The following APBA2 variants were observed in gnomAD, a reference collection of about 807,000 sequenced individuals.
APBA2 encodes the protein amyloid-beta A4 precursor protein-binding family A member 2.
APBA2 carries 30 observed loss-of-function variants against 75.0 expected under a neutral mutation model. The ratio of observed to expected loss-of-function variants is 0.40; its 90% CI spans 0.30 to 0.54. The LOEUF is 0.54. APBA2 is among the 20% of genes least tolerant of loss of function. APBA2 has a pLI of 0.49. For missense variants in APBA2, 801 were observed against 1,016.1 expected (o/e 0.79, Z 2.88); for synonymous variants, 444 against 409.6 (o/e 1.08, Z -1.01).
At chr15:28,994,448 G>A (rs527544840) in intron 2 of APBA2, among the ~76,000 whole-genome samples, 16 of 152,276 alleles carry the variant, frequency 1.1e-4, no homozygotes, top group African/African-American at 2.9e-4. Context: ...AAAAGCCACA[G>A]AAGCACCATA....
chr15:29,018,122 T>C (rs1278383978), intron 3 of APBA2, among the ~76,000 whole-genome samples: 1 of 152,102 alleles, frequency 6.6e-6, no homozygotes, highest in African/African-American at 2.4e-5. Flanking sequence ...CTCAGGGCCA[T>C]TGGATGAAGA....
At chr15:29,039,850 T>TG (rs2040945762) in intron 3 of APBA2, among the ~76,000 whole-genome samples, 3 of 152,176 alleles carry the variant, frequency 2.0e-5, no homozygotes, top group South Asian at 2.1e-4. Flanking sequence ...TCCATTCCAC[T>TG]CACGGATTAG....
chr15:28,998,838 G>A (rs1482821281), intron 3 of APBA2, among the ~76,000 whole-genome samples: 2 of 152,198 alleles, frequency 1.3e-5, no homozygotes, highest in Non-Finnish European at 2.9e-5. Context: ...ACATGTACCA[G>A]TAAACGGCCA....
In APBA2 at chr15:28,889,266, T is replaced by G. The variant is rs139866093; in HGVS notation, c.-205+2988T>G. On this transcript the variant is annotated intron_variant, in intron 1 of 14. Transcript: ENST00000683413. ...CCTGTCCAGACACACAAGGGAGCCC[T>G]GGGAGGTAGGTGACCTCAAGATCAT... Among the ~76,000 whole-genome samples, 1,447 of 152,134 alleles carry G rather than the reference T, an allele frequency of 9.5e-3. 37 individuals carry two copies. Among genetic ancestry groups the G allele is most frequent in the African/African-American group, 0.033 (1,357 of 41,500 alleles).
Position 29,113,923 on chromosome 15 carries a change from T to C in APBA2, c.2085T>C (p.Arg695=). The change falls in exon 14 of 15, where the codon CGT becomes CGC. Residue 695 remains arginine, a synonymous_variant. Coordinates refer to ENST00000683413, the MANE Select transcript of APBA2 (RefSeq NM_001353788.2). The stretch of plus-strand genomic sequence containing the variant: ...GCATTGCTGAGCGAGGGGGCGTCCG[T>C]GTGGGCCACCGCATCATCGAGATCA... ...RGGIAERGGV[R]VGHRIIEING... 3 of 1,613,248 alleles carry C rather than the reference T, an allele frequency of 1.9e-6. No individual in the cohort carries two copies. The highest frequency in any genetic ancestry group is 2.5e-6 in the Non-Finnish European group (3 of 1,180,026).
At chr15:29,064,492 G>T (rs1225797849) in intron 4 of APBA2, among the ~76,000 whole-genome samples, 1 of 152,184 alleles carries the variant, frequency 6.6e-6, no homozygotes, top group African/African-American at 2.4e-5. Context: ...GTGTGGCCAG[G>T]CTCCAGACGA....
intron 2 of APBA2, among the ~76,000 whole-genome samples, chr15:28,993,029 C>T (rs964334951): frequency 8.5e-5 from 13 of 152,114 alleles, no homozygotes; most frequent in African/African-American, 3.1e-4. Flanking sequence ...CCTGGAGGGG[C>T]AGGAAGAGGA....
At chr15:28,998,577 G>A (rs1194641447) in intron 3 of APBA2, among the ~76,000 whole-genome samples, 1 of 152,102 alleles carries the variant, frequency 6.6e-6, no homozygotes, top group Non-Finnish European at 1.5e-5. Flanking sequence ...ACTAAGGGAG[G>A]AGGCCATGAG....
chr15:28,954,164 A>T (rs1278013499), intron 2 of APBA2, among the ~76,000 whole-genome samples: 1 of 152,110 alleles, frequency 6.6e-6, no homozygotes, highest in Non-Finnish European at 1.5e-5. Context: ...TCACACCGGC[A>T]CCGCTGCCGT....
chr15:29,061,069 TG>T (rs989590692), intron 4 of APBA2, among the ~76,000 whole-genome samples: 4 of 152,226 alleles, frequency 2.6e-5, no homozygotes, highest in South Asian at 2.1e-4. Context: ...CCCACACTCC[TG>T]GGGGGCACCA....
intron 2 of APBA2, among the ~76,000 whole-genome samples, chr15:28,942,802 G>T (rs1045890790): frequency 6.6e-6 from 1 of 152,210 alleles, no homozygotes; most frequent in Non-Finnish European, 1.5e-5. Context: ...CAGTTGTGTG[G>T]CTGCCTCTTC....
chr15:28,969,155 T>TCTTG lies in APBA2; in HGVS notation c.-94-26595_-94-26594insGCTT, dbSNP rs1566855515. 1.1e-3 allele frequency among the ~76,000 whole-genome samples: 84 copies of TCTTG among 77,856 alleles called. No homozygotes were observed. The African/African-American group carries it at 0.028, about 26-fold the overall frequency. The allele number at this position is 77,856 out of a possible 152,430, so 51.1% of individuals were successfully genotyped here. ...TTCTTTCTTTCTTTCTTTCTTTCTT[T>TCTTG]CTTTCTTTCTTTCTTTCTTTCTTTC... On this transcript the variant is annotated intron_variant, in intron 2 of 14. Coordinates refer to ENST00000683413, the MANE Select transcript of APBA2 (RefSeq NM_001353788.2).
At chr15:29,036,943 C>G (rs750224825) in intron 3 of APBA2, among the ~76,000 whole-genome samples, 1 of 151,734 alleles carries the variant, frequency 6.6e-6, no homozygotes, top group Non-Finnish European at 1.5e-5. Flanking sequence ...TTGCTTGAAC[C>G]TGGGAGGTGG....
At chr15:28,935,511 T>G (rs910712919) in intron 2 of APBA2, among the ~76,000 whole-genome samples, 8 of 152,114 alleles carry the variant, frequency 5.3e-5, no homozygotes, top group Admixed American at 3.9e-4. Context: ...CGTAGGACGC[T>G]AGGGGGCGAA....
chr15:28,943,953 G>T (rs1566825695), intron 2 of APBA2, among the ~76,000 whole-genome samples: 1 of 152,066 alleles, frequency 6.6e-6, no homozygotes. Flanking sequence ...GCCCTGCCGT[G>T]GCCCCCATGC....
At chr15:28,906,591 C>G (rs2033146095) in intron 1 of APBA2, among the ~76,000 whole-genome samples, 1 of 152,150 alleles carries the variant, frequency 6.6e-6, no homozygotes, top group Non-Finnish European at 1.5e-5. Flanking sequence ...AGGTGGTGAC[C>G]ATTTTAAATG....
At chr15:28,909,281 C>T (rs149032713) in intron 1 of APBA2, among the ~76,000 whole-genome samples, 294 of 152,268 alleles carry the variant, frequency 1.9e-3, no homozygotes, top group African/African-American at 6.8e-3. Context: ...TGAGCCACCG[C>T]GCCCAGCAAC....
chr15:29,062,215 C>T (rs541874270), intron 4 of APBA2, among the ~76,000 whole-genome samples: 287 of 152,222 alleles, frequency 1.9e-3, no homozygotes, highest in African/African-American at 6.5e-3. Context: ...TCCCTTGCCC[C>T]GCCCACCCAT....
intron 2 of APBA2, among the ~76,000 whole-genome samples, chr15:28,936,892 C>A (rs2034905438): frequency 1.3e-5 from 2 of 152,072 alleles, no homozygotes; most frequent in African/African-American, 4.8e-5. Flanking sequence ...CTCGATCTAC[C>A]CTCATGCAGA....
Sources: allele counts gnomAD v4.1 joint callset (sites outside exome capture counted in the v4.1 genomes callset), GRCh38; gene constraint gnomAD v4.1.1; transcripts MANE v1.5; gene names NCBI Gene and HGNC (gene_info 2026-07-23, HGNC 2026-07-21).